Variants in ACVR2A observed in about 807,000 individuals in gnomAD.
ACVR2A encodes the protein activin A receptor type 2A, also known as activin receptor type-2A.
Under a neutral mutation model 61.4 loss-of-function variants are expected in ACVR2A, and 7 were observed. The ratio of observed to expected loss-of-function variants is 0.11; its 90% CI spans 0.06 to 0.21. The LOEUF is 0.21. ACVR2A is among the 10% of genes least tolerant of loss of function. ACVR2A has a pLI of 1.00. For synonymous variants in ACVR2A, 193 were observed against 208.3 expected, an observed-to-expected ratio of 0.93 and a Z score of 0.63; for missense variants, 322 against 621.7, an observed-to-expected ratio of 0.52 and a Z score of 5.13.
chr2:147,848,817 A>T (rs1368885212), intron 1 of ACVR2A, among the ~76,000 whole-genome samples: 5 of 151,030 alleles, frequency 3.3e-5, no homozygotes, highest in African/African-American at 9.7e-5. Context: ...AATACAAATT[A>T]AAAAAAAAGG....
intron 1 of ACVR2A, among the ~76,000 whole-genome samples, chr2:147,891,679 A>G (rs1299171311): frequency 6.6e-6 from 1 of 152,212 alleles, no homozygotes; most frequent in Non-Finnish European, 1.5e-5. Flanking sequence ...ATGTTCATTC[A>G]TGTATTGTCT....
chr2:147,844,852 AG>A (rs1342331933), upstream of ACVR2A: 1 of 295,286 alleles, frequency 3.4e-6, no homozygotes, highest in African/African-American at 2.2e-5. Flanking sequence ...TGATTTTGAC[AG>A]TGATTTAAAC....
chr2:147,880,542 A>G (rs1157501478), intron 1 of ACVR2A, among the ~76,000 whole-genome samples: 2 of 152,150 alleles, frequency 1.3e-5, no homozygotes, highest in African/African-American at 4.8e-5. Context: ...TTACTTGTCT[A>G]TCATTCCTTC....
chr2:147,849,318 A>G (rs1427579555), intron 1 of ACVR2A, among the ~76,000 whole-genome samples: 2 of 152,136 alleles, frequency 1.3e-5, no homozygotes, highest in Non-Finnish European at 2.9e-5. Flanking sequence ...TTATGGCGGT[A>G]TTCGTGTGTG....
In ACVR2A at chr2:147,927,202, C is replaced by G. The variant is rs1329826834; in HGVS notation, c.1470C>G (p.Thr490=). The G allele has an allele frequency of 6.2e-7, 1 of 1,612,106 alleles. No homozygotes were observed. Among genetic ancestry groups the G allele is most frequent in the East Asian group, 2.2e-5 (1 of 44,812 alleles). ...TQMQRLTNII[T]TEDIVTVVTM... is the part of the protein sequence containing the mutation. ...TGCAGAGACTAACAAATATTATTAC[C>G]ACAGAGGACATTGTAACAGTGGTCA... Residue 490 remains threonine, a synonymous_variant, in exon 11 of 11, where the codon ACC becomes ACG. Coordinates refer to ENST00000241416, the MANE Select transcript of ACVR2A (RefSeq NM_001616.5).
intron 1 of ACVR2A, among the ~76,000 whole-genome samples, chr2:147,855,752 C>T (rs746097532): frequency 2.0e-5 from 3 of 151,188 alleles, no homozygotes; most frequent in Non-Finnish European, 4.4e-5. Flanking sequence ...TACAAATTCT[C>T]AGAAAAAAGA....
chr2:147,879,485 T>C (rs1453971492), intron 1 of ACVR2A, among the ~76,000 whole-genome samples: 3 of 152,236 alleles, frequency 2.0e-5, no homozygotes, highest in African/African-American at 7.2e-5. Flanking sequence ...TAGCAAACTT[T>C]TTCAAACATT....
At chr2:147,867,905 C>G (rs1299969459) in intron 1 of ACVR2A, among the ~76,000 whole-genome samples, 1 of 152,166 alleles carries the variant, frequency 6.6e-6, no homozygotes, top group Non-Finnish European at 1.5e-5. Flanking sequence ...TGCCTCTACA[C>G]TCCGCTGATT....
chr2:147,897,717 C>G (rs887525737), intron 2 of ACVR2A, among the ~76,000 whole-genome samples: 2 of 152,158 alleles, frequency 1.3e-5, no homozygotes, highest in African/African-American at 4.8e-5. Context: ...ATTGGATTAA[C>G]TACACTTTTT....
intron 1 of ACVR2A, among the ~76,000 whole-genome samples, chr2:147,862,008 C>T (rs1338202891): frequency 2.6e-5 from 4 of 152,122 alleles, no homozygotes; most frequent in African/African-American, 9.7e-5. Context: ...TGAGATAATG[C>T]AATTTGCCTG....
chr2:147,892,258 C>T (rs1032742267), intron 1 of ACVR2A, among the ~76,000 whole-genome samples: 1 of 151,846 alleles, frequency 6.6e-6, no homozygotes, highest in Non-Finnish European at 1.5e-5. Context: ...ATGTGAGCCA[C>T]CGTGCTGGGC....
intron 1 of ACVR2A, among the ~76,000 whole-genome samples, chr2:147,886,213 A>G (rs959007149): frequency 2.6e-5 from 4 of 152,196 alleles, no homozygotes; most frequent in African/African-American, 4.8e-5. Flanking sequence ...TCCATCTTCT[A>G]TAGCTGATTC....
intron 1 of ACVR2A, among the ~76,000 whole-genome samples, chr2:147,871,900 A>G (rs1017135787): frequency 6.6e-6 from 1 of 151,924 alleles, no homozygotes; most frequent in African/African-American, 2.4e-5. Context: ...TGCATTCCTT[A>G]TGACTTGATT....
intron 1 of ACVR2A, among the ~76,000 whole-genome samples, chr2:147,846,846 T>A (rs1685324704): frequency 6.6e-6 from 1 of 152,164 alleles, no homozygotes; most frequent in Non-Finnish European, 1.5e-5. Context: ...CTTGTTCTGA[T>A]CTCTTGCCCT....
At chr2:147,882,725 G>T (rs1686336953) in intron 1 of ACVR2A, among the ~76,000 whole-genome samples, 1 of 152,066 alleles carries the variant, frequency 6.6e-6, no homozygotes, top group African/African-American at 2.4e-5. Context: ...TTTAGTAATA[G>T]AAATATATTA....
Position 147,868,353 on chromosome 2 carries a change from G to A in ACVR2A, c.55+23146G>A, listed in dbSNP as rs1685926625. Reference sequence around the variant, plus strand: ...ACTCCCTTTAGACAGGAGAGAAGAAGTGGAAAATGTAATGGCAGATAACGT... The same window carrying A: ...ACTCCCTTTAGACAGGAGAGAAGAAATGGAAAATGTAATGGCAGATAACGT... On this transcript the variant is annotated intron_variant, in intron 1 of 10. Coordinates refer to ENST00000241416, the MANE Select transcript of ACVR2A (RefSeq NM_001616.5). Among the ~76,000 whole-genome samples the A allele has an allele frequency of 2.0e-5, 3 of 152,294 alleles. No homozygotes were observed. The South Asian group carries it at 6.2e-4, about 32-fold the overall frequency.
intron 1 of ACVR2A, among the ~76,000 whole-genome samples, chr2:147,853,895 A>G (rs1033855436): frequency 6.6e-6 from 1 of 152,118 alleles, no homozygotes; most frequent in Non-Finnish European, 1.5e-5. Context: ...TGGACAAGTT[A>G]TGAGATCTTG....
chr2:147,876,924 C>T (rs1002564771), intron 1 of ACVR2A, among the ~76,000 whole-genome samples: 3 of 152,146 alleles, frequency 2.0e-5, no homozygotes, highest in Admixed American at 6.6e-5. Flanking sequence ...TATGTTGCTC[C>T]TGTCCCTTCA....
intron 2 of ACVR2A, among the ~76,000 whole-genome samples, chr2:147,898,907 C>T (rs1443038285): frequency 6.6e-6 from 1 of 152,106 alleles, no homozygotes; most frequent in Non-Finnish European, 1.5e-5. Context: ...CTCTAAAAAA[C>T]AGTGACAGTA....
Sources: allele counts gnomAD v4.1 joint callset (sites outside exome capture counted in the v4.1 genomes callset), GRCh38; gene constraint gnomAD v4.1.1; transcripts MANE v1.5; gene names NCBI Gene and HGNC (gene_info 2026-07-23, HGNC 2026-07-21).